Variants in NOX4 observed in about 807,000 individuals in gnomAD.
The protein encoded by NOX4 is NADPH oxidase 4.
Under a neutral mutation model 87.6 loss-of-function variants are expected in NOX4, and 69 were observed. That is an observed-to-expected ratio of 0.79 (90% CI 0.65 to 0.96). The LOEUF (loss-of-function observed/expected upper bound fraction) is 0.96. Among genes scored for constraint, NOX4 ranks in the 40% least tolerant of loss-of-function variants. The pLI, the probability that NOX4 is intolerant of heterozygous loss-of-function variation, is 0.00. For synonymous variants in NOX4, 275 were observed against 238.2 expected (o/e 1.15, Z -1.42); for missense variants, 680 against 681.5 (o/e 1.00, Z 0.02).
chr11:89,403,750 A>T (rs887467799), intron 8 of NOX4, among the ~76,000 whole-genome samples: 10 of 152,142 alleles, frequency 6.6e-5, no homozygotes, highest in African/African-American at 2.4e-4. Context: ...TCTCAAAAAT[A>T]AATAAATAAC....
chr11:89,451,980 A>G, intron 2 of NOX4, 85 bp from the exon 3 acceptor site: 1 of 846,084 alleles, frequency 1.2e-6, no homozygotes. Flanking sequence ...GTCTCACCCT[A>G]TTGCTCTTTT....
the NOX4 span, among the ~76,000 whole-genome samples, chr11:89,581,419 T>G: frequency 6.6e-6 from 1 of 152,214 alleles, no homozygotes; most frequent in South Asian, 2.1e-4. Context: ...ACTTAATATA[T>G]AACTGGTACA....
upstream of NOX4, among the ~76,000 whole-genome samples, chr11:89,501,480 A>G (rs532519481): frequency 9.9e-5 from 15 of 152,224 alleles, no homozygotes; most frequent in African/African-American, 3.6e-4. Flanking sequence ...TAGACTCTAT[A>G]GACATTGCTC....
intron 5 of NOX4, among the ~76,000 whole-genome samples, chr11:89,441,973 T>C (rs977474418): frequency 6.9e-6 from 1 of 145,240 alleles, no homozygotes; most frequent in Admixed American, 6.9e-5. Context: ...ATATATATAA[T>C]CAATATATAA....
chr11:89,438,809 T>TTA (rs1466934252), intron 6 of NOX4, among the ~76,000 whole-genome samples: 1 of 24,180 alleles, frequency 4.1e-5, no homozygotes, highest in African/African-American at 6.1e-4. Context: ...ATATTATATA[T>TTA]TATATATATT....
chr11:89,540,786 T>TA, the NOX4 span, among the ~76,000 whole-genome samples: 11 of 43,520 alleles, frequency 2.5e-4, no homozygotes, highest in Admixed American at 1.3e-3. Flanking sequence ...AGACTCCGTC[T>TA]AAAAAAAAAA....
chr11:89,324,862 T>C lies in NOX4; in HGVS notation c.*1894A>G, dbSNP rs1381102390. 6.6e-6 allele frequency: 1 copy of C among 152,132 alleles called. No homozygotes were observed. Among genetic ancestry groups the C allele is most frequent in the East Asian group, 1.9e-4 (1 of 5,194 alleles). 9.4% of individuals were successfully genotyped at this position (152,132 alleles called of 1,614,324 possible). On this transcript the variant is annotated 3_prime_UTR_variant, in exon 18 of 18. Coordinates refer to ENST00000263317, the MANE Select transcript of NOX4 (RefSeq NM_016931.5). Reference sequence around the variant, plus strand: ...ATCACTTTTTTGGGTTCATCTTCTTTCCATAGAAAGGAGAATTTCAAGGAA... The same window carrying C: ...ATCACTTTTTTGGGTTCATCTTCTTCCCATAGAAAGGAGAATTTCAAGGAA...
Position 89,325,068 on chromosome 11 carries a change from T to C in NOX4, c.*1688A>G, listed in dbSNP as rs1349256545. Reference sequence around the variant, plus strand: ...CAGTGTTATATTTGATAGCAATTGATAGCCGACTACTAAACAAAATCACTA... The same window carrying C: ...CAGTGTTATATTTGATAGCAATTGACAGCCGACTACTAAACAAAATCACTA... On this transcript the variant is annotated 3_prime_UTR_variant, in exon 18 of 18. Transcript: ENST00000263317. 1 of 150,632 alleles carries C rather than the reference T, an allele frequency of 6.6e-6. No individual in the cohort carries two copies. The highest frequency in any genetic ancestry group is 1.5e-5 in the Non-Finnish European group (1 of 67,744). The allele number at this position is 150,632 out of a possible 1,614,324, so 9.3% of individuals were successfully genotyped here. A position where few individuals can be genotyped will look rare whatever the true frequency, so the allele number is the denominator to read the frequency against.
intron 2 of NOX4, among the ~76,000 whole-genome samples, chr11:89,470,512 A>T (rs1945886389): frequency 1.3e-5 from 2 of 152,188 alleles, no homozygotes. Flanking sequence ...GTGATTACCC[A>T]GGAAATCCAG....
At chr11:89,480,822 TGA>T (rs1946364064) in intron 2 of NOX4, among the ~76,000 whole-genome samples, 1 of 152,110 alleles carries the variant, frequency 6.6e-6, no homozygotes, top group Non-Finnish European at 1.5e-5. Context: ...TATAGTAATC[TGA>T]GATAGGTAAT....
At chr11:89,533,024 C>T in the NOX4 span, among the ~76,000 whole-genome samples, 9 of 152,004 alleles carry the variant, frequency 5.9e-5, no homozygotes, top group African/African-American at 1.2e-4. Context: ...TATGAATTAC[C>T]GAGTCTCAGG....
At chr11:89,369,068 G>T (rs1443300765) in intron 12 of NOX4, among the ~76,000 whole-genome samples, 1 of 152,010 alleles carries the variant, frequency 6.6e-6, no homozygotes, top group South Asian at 2.1e-4. Context: ...TGCTGCAAAT[G>T]CAATTCCCCT....
chr11:89,334,298 T>A (rs2135370395), intron 17 of NOX4, among the ~76,000 whole-genome samples: 1 of 151,848 alleles, frequency 6.6e-6, no homozygotes, highest in East Asian at 1.9e-4. Context: ...CAAAAGTGGG[T>A]TGAAATCATT....
chr11:89,548,320 G>A, the NOX4 span: 3 of 152,172 alleles, frequency 2.0e-5, no homozygotes, highest in Non-Finnish European at 4.4e-5. Flanking sequence ...GACCACATGA[G>A]GATACATGAG....
chr11:89,333,639 T>C lies in NOX4; in HGVS notation c.1616+2206A>G, dbSNP rs111612763. ...CATGATATTTTAAAATCTTAACTTATATGCCTGTCTTCCCTACTGTTATCT... is the reference window on the plus strand; with the variant it reads ...CATGATATTTTAAAATCTTAACTTACATGCCTGTCTTCCCTACTGTTATCT... On this transcript the variant is annotated intron_variant, in intron 17 of 17. Coordinates refer to ENST00000263317, the MANE Select transcript of NOX4 (RefSeq NM_016931.5). Among the ~76,000 whole-genome samples the C allele has an allele frequency of 8.8e-3, 1,342 of 151,938 alleles. 28 individuals carry two copies. The highest frequency in any genetic ancestry group is 0.031 in the African/African-American group (1,279 of 41,530).
At chr11:89,375,378 T>C (rs1939759886) in intron 11 of NOX4, among the ~76,000 whole-genome samples, 2 of 152,278 alleles carry the variant, frequency 1.3e-5, no homozygotes, top group East Asian at 3.9e-4. Context: ...CGATCTCGGC[T>C]CAATGCAACC....
At chr11:89,406,248 A>T (rs1393068993) in intron 8 of NOX4, among the ~76,000 whole-genome samples, 3 of 152,234 alleles carry the variant, frequency 2.0e-5, no homozygotes, top group Admixed American at 6.6e-5. Flanking sequence ...GGATTGATAG[A>T]CAAAATCTGA....
Position 89,390,623 on chromosome 11 carries a change from G to A in NOX4, c.1074+9394C>T, listed in dbSNP as rs1226664476. ...TACTTCAGCCTACAAGGTGCTAGAT[G>A]AATCCAAGAAATATTGACGGCATTT... On this transcript the variant is annotated intron_variant, in intron 11 of 17. Coordinates refer to ENST00000263317, the MANE Select transcript of NOX4 (RefSeq NM_016931.5). Among the ~76,000 whole-genome samples, 3 of 152,156 alleles carry A rather than the reference G, an allele frequency of 2.0e-5. No homozygotes were observed. The East Asian group carries it at 5.8e-4, about 29-fold the overall frequency.
At chr11:89,579,168 G>A in the NOX4 span, among the ~76,000 whole-genome samples, 1 of 152,230 alleles carries the variant, frequency 6.6e-6, no homozygotes, top group Non-Finnish European at 1.5e-5. Context: ...GGATGGAGGA[G>A]TAGGTGGAGC....
Sources: gnomAD v4.1 joint callset for allele counts (sites outside exome capture counted in the v4.1 genomes callset) on GRCh38, gnomAD v4.1.1 for gene constraint, MANE v1.5 for transcripts, NCBI Gene and HGNC (gene_info 2026-07-23, HGNC 2026-07-21) for gene names.